CPS1: variants seen among roughly 807,000 people sequenced by gnomAD.
CPS1 encodes the protein carbamoyl-phosphate synthase [ammonia], mitochondrial.
Under a neutral mutation model 174.6 loss-of-function variants are expected in CPS1, and 109 were observed. That is an observed-to-expected ratio of 0.62 (90% CI 0.53 to 0.73). The LOEUF is 0.73. CPS1 is among the 30% of genes least tolerant of loss of function. The pLI is 0.00. For synonymous variants in CPS1, 637 were observed against 632.0 expected, an observed-to-expected ratio of 1.01 and a Z score of -0.12; for missense variants, 1,689 against 1,821.9, an observed-to-expected ratio of 0.93 and a Z score of 1.33.
At position 210,677,893 on chromosome 2, in the gene CPS1, A is replaced by C. The variant is rs751270838; in HGVS notation, c.4411A>C (p.Lys1471Gln). 1 of 1,613,838 alleles carries C rather than the reference A, an allele frequency of 6.2e-7. No homozygotes were observed. Among genetic ancestry groups the C allele is most frequent in the East Asian group, 2.2e-5 (1 of 44,858 alleles). ...CCTACCATTATATTTTCAGGTGACC[A>C]AACTTTTTGCTGAAGCTGTGCAGAA... ...IPLLTNFQVT[K>Q]LFAEAVQKSR... The change falls in exon 38 of 38, where the codon AAA (lysine) becomes CAA (glutamine). Residue 1471 changes from lysine to glutamine, a missense_variant. Transcript: ENST00000233072.
chr2:210,656,190 G>T (rs949829845), intron 29 of CPS1, among the ~76,000 whole-genome samples: 2 of 152,242 alleles, frequency 1.3e-5, no homozygotes, highest in South Asian at 4.2e-4. Flanking sequence ...AAAAGATAAA[G>T]ATATTTTAAG....
At chr2:210,525,054 C>T (rs370818142) in intron 1 of CPS1, among the ~76,000 whole-genome samples, 3 of 151,868 alleles carry the variant, frequency 2.0e-5, no homozygotes, top group Admixed American at 6.6e-5. Context: ...CCTCCTTTCC[C>T]GTAGTAATAA....
intron 1 of CPS1, among the ~76,000 whole-genome samples, chr2:210,490,989 G>C (rs1252541049): frequency 6.6e-6 from 1 of 152,156 alleles, no homozygotes. Flanking sequence ...GAATGTTCTA[G>C]GGGCAAAGTT....
intron 1 of CPS1, among the ~76,000 whole-genome samples, chr2:210,572,172 AC>A (rs2106071124): frequency 6.6e-6 from 1 of 152,048 alleles, no homozygotes; most frequent in African/African-American, 2.4e-5. Flanking sequence ...CAGATATCAT[AC>A]TATTTTATCC....
intron 1 of CPS1, among the ~76,000 whole-genome samples, chr2:210,565,619 A>G (rs1385919711): frequency 4.6e-5 from 7 of 152,168 alleles, no homozygotes; most frequent in Non-Finnish European, 1.0e-4. Flanking sequence ...GTTTAAACGT[A>G]TTTCTTTGTT....
At chr2:210,530,927 G>T (rs373096775) in intron 1 of CPS1, among the ~76,000 whole-genome samples, 1 of 151,846 alleles carries the variant, frequency 6.6e-6, no homozygotes, top group Non-Finnish European at 1.5e-5. Flanking sequence ...TGCACAGTAA[G>T]CTTGGACAAC....
chr2:210,556,001 C>A (rs992846688), upstream of CPS1, among the ~76,000 whole-genome samples: 7 of 151,956 alleles, frequency 4.6e-5, no homozygotes, highest in Non-Finnish European at 8.8e-5. Flanking sequence ...GTCCACTTTG[C>A]TTTAGTTGTG....
chr2:210,610,355 CA>C (rs904285764), intron 19 of CPS1, among the ~76,000 whole-genome samples: 7 of 151,736 alleles, frequency 4.6e-5, no homozygotes, highest in Non-Finnish European at 1.0e-4. Flanking sequence ...ACATTTAGTT[CA>C]AAAAGTGAGC....
At chr2:210,563,267 G>A (rs1025014870) in intron 1 of CPS1, among the ~76,000 whole-genome samples, 3 of 152,138 alleles carry the variant, frequency 2.0e-5, no homozygotes, top group African/African-American at 7.2e-5. Context: ...ATGGCAATAC[G>A]ACACAAATTT....
At chr2:210,548,362 T>G (rs1194800349) in intron 1 of CPS1, among the ~76,000 whole-genome samples, 1 of 152,072 alleles carries the variant, frequency 6.6e-6, no homozygotes, top group African/African-American at 2.4e-5. Flanking sequence ...CTTTTTTAGT[T>G]TACAAGATGT....
At chr2:210,527,380 A>C (rs910321092) in intron 1 of CPS1, among the ~76,000 whole-genome samples, 8 of 151,990 alleles carry the variant, frequency 5.3e-5, no homozygotes, top group Non-Finnish European at 1.2e-4. Flanking sequence ...TCTACAAGGG[A>C]TCTAAGAGAT....
intron 21 of CPS1, among the ~76,000 whole-genome samples, chr2:210,620,063 T>C (rs1440153386): frequency 6.6e-6 from 1 of 151,970 alleles, no homozygotes; most frequent in Admixed American, 6.6e-5. Flanking sequence ...TGTACATGTA[T>C]CCCAGAACTT....
chr2:210,600,765 G>A, intron 15 of CPS1, 53 bp downstream of exon 15: 1 of 1,580,796 alleles, frequency 6.3e-7, no homozygotes, highest in Non-Finnish European at 8.7e-7. Context: ...TTGTGTTGTA[G>A]GGAGAATGAT....
intron 19 of CPS1, 44 bp from the exon 20 acceptor site, chr2:210,612,073 A>G (rs758669623): frequency 6.4e-7 from 1 of 1,559,766 alleles, no homozygotes; most frequent in East Asian, 2.2e-5. Flanking sequence ...TTAAAGATAC[A>G]TAAGCTCTTT....
chr2:210,625,101 C>A (rs1406924096), intron 21 of CPS1, among the ~76,000 whole-genome samples: 1 of 151,876 alleles, frequency 6.6e-6, no homozygotes, highest in Non-Finnish European at 1.5e-5. Context: ...TCTATTCAGT[C>A]ATTATGTATT....
At position 210,678,799 on chromosome 2, in the gene CPS1, T is replaced by G. The variant is rs1416150601; in HGVS notation, c.*814T>G. The G allele has an allele frequency of 6.6e-6, 1 of 151,788 alleles. No homozygotes were observed. Among genetic ancestry groups the G allele is most frequent in the Non-Finnish European group, 1.5e-5 (1 of 68,024 alleles). The allele number at this position is 151,788 out of a possible 1,614,324, so 9.4% of individuals were successfully genotyped here. On this transcript the variant is annotated 3_prime_UTR_variant, in exon 38 of 38. Transcript: ENST00000233072. ...GGTAGACAGTGTTTATGTAGATGTG[T>G]TGTTGTTTTTATCATTGGATTTTAA...
At chr2:210,659,599 ACC>A (rs1445195034) in intron 31 of CPS1, among the ~76,000 whole-genome samples, 1 of 152,132 alleles carries the variant, frequency 6.6e-6, no homozygotes, top group African/African-American at 2.4e-5. Context: ...CCACATCCAG[ACC>A]ATAGTAGTAA....
chr2:210,556,213 A>G, upstream of CPS1: 3 of 379,382 alleles, frequency 7.9e-6, no homozygotes, highest in Non-Finnish European at 1.6e-5. Context: ...TTTTTGTAAA[A>G]AGAACATTGT....
chr2:210,658,746 T>C lies in CPS1; in HGVS notation c.3756+58T>C, dbSNP rs1366764948. On this transcript the variant is annotated intron_variant, in intron 31 of 37. Transcript: ENST00000233072. ...ACCACTGTGTTACGTCATGTTGGTT[T>C]GCATCTCTCTGGTAATCTTCTCTGT... 17 of 1,245,502 alleles carry C rather than the reference T, an allele frequency of 1.4e-5. No individual in the cohort carries two copies. The Admixed American group carries it at 2.7e-4, about 20-fold the overall frequency. 77.2% of individuals were successfully genotyped at this position (1,245,502 alleles called of 1,614,324 possible).
Sources: allele counts gnomAD v4.1 joint callset (sites outside exome capture counted in the v4.1 genomes callset), GRCh38; gene constraint gnomAD v4.1.1; transcripts MANE v1.5; gene names NCBI Gene and HGNC (gene_info 2026-07-23, HGNC 2026-07-21).